RIMKLB: variants seen among roughly 807,000 people sequenced by gnomAD.
RIMKLB encodes beta-citrylglutamate synthase B.
A neutral mutation model predicts 32.0 loss-of-function variants in RIMKLB; 7 were observed. The observed-to-expected ratio is 0.22, with a 90% CI of 0.12 to 0.41. The LOEUF is 0.41. Among genes scored for constraint, RIMKLB ranks in the 10% least tolerant of loss-of-function variants. The pLI is 1.00. For missense variants in RIMKLB, 289 were observed against 498.7 expected, an observed-to-expected ratio of 0.58 and a Z score of 4.00; for synonymous variants, 172 against 185.1, an observed-to-expected ratio of 0.93 and a Z score of 0.57.
At chr12:8,783,078 T>C (rs370617930) in exon 8 of RIMKLB, 1 of 152,248 alleles carries the variant, frequency 6.6e-6, no homozygotes, top group Non-Finnish European at 1.5e-5. Flanking sequence ...AAAGACACTA[T>C]GCGCTGGAAA....
intron 2 of RIMKLB, among the ~76,000 whole-genome samples, chr12:8,726,702 A>G (rs1011031271): frequency 2.1e-5 from 3 of 144,022 alleles, no homozygotes; most frequent in East Asian, 2.0e-4. Context: ...ATGTTTGTCT[A>G]TATTTACAGT....
At chr12:8,701,620 T>C (rs996827959) in intron 1 of RIMKLB, among the ~76,000 whole-genome samples, 3 of 151,946 alleles carry the variant, frequency 2.0e-5, no homozygotes, top group African/African-American at 7.3e-5. Context: ...ATATGACCGT[T>C]ATGGGAAGTA....
chr12:8,703,006 C>G (rs1429284136), intron 1 of RIMKLB, among the ~76,000 whole-genome samples: 1 of 152,172 alleles, frequency 6.6e-6, no homozygotes, highest in Non-Finnish European at 1.5e-5. Flanking sequence ...TGTTTGGAGG[C>G]TGGGCATGGT....
At chr12:8,756,044 ACTCTGGAGGC>A (rs1252994014) in intron 5 of RIMKLB, among the ~76,000 whole-genome samples, 12 of 151,138 alleles carry the variant, frequency 7.9e-5, no homozygotes, top group Non-Finnish European at 1.6e-4. Flanking sequence ...AGTCCCGGCT[ACTCTGGAGGC>A]TGAGGCATGA....
chr12:8,698,838 C>T (rs1943117575), intron 1 of RIMKLB, among the ~76,000 whole-genome samples: 3 of 152,058 alleles, frequency 2.0e-5, no homozygotes, highest in African/African-American at 4.8e-5. Flanking sequence ...ACAGTCATTC[C>T]ATCTTTTCCT....
At chr12:8,680,876 T>A (rs1304287317), upstream of RIMKLB, among the ~76,000 whole-genome samples, 1 of 152,204 alleles carries the variant, frequency 6.6e-6, no homozygotes, top group African/African-American at 2.4e-5. Context: ...TCTAAAAAGT[T>A]TTGTGTGCTA....
chr12:8,768,875 G>GTGATTCTCTTTATTGTCATTC (rs1430314746), intron 5 of RIMKLB, among the ~76,000 whole-genome samples: 4 of 152,138 alleles, frequency 2.6e-5, no homozygotes, highest in Non-Finnish European at 5.9e-5. Context: ...TGCTTTGTAT[G>GTGATTCTCTTTATTGTCATTC]TGATTCTCTT....
In RIMKLB at chr12:8,753,877, T is replaced by A. The variant is rs1214300730; in HGVS notation, c.494-13T>A. On this transcript the variant is annotated splice_polypyrimidine_tract_variant and intron_variant, in intron 4 of 5. Coordinates refer to ENST00000535829, the MANE Select transcript of RIMKLB (RefSeq NM_001297776.2). ...GATGACTTAACATGTATTTTTATTC[T>A]TTTCAATCATAGGTAAAGCTGTTTT... The A allele has an allele frequency of 1.2e-6, 2 of 1,609,010 alleles. No homozygotes were observed. The highest frequency in any genetic ancestry group is 1.7e-6 in the Non-Finnish European group (2 of 1,175,588).
upstream of RIMKLB, among the ~76,000 whole-genome samples, chr12:8,681,174 A>T (rs1942402161): frequency 6.6e-6 from 1 of 152,056 alleles, no homozygotes; most frequent in African/African-American, 2.4e-5. Context: ...CACCATTCTT[A>T]GGCTGGTCTC....
chr12:8,777,479 C>A (rs774762463), downstream of RIMKLB: 14 of 1,110,132 alleles, frequency 1.3e-5, no homozygotes, highest in Non-Finnish European at 1.6e-5. Flanking sequence ...AGTGAAAATT[C>A]TTTCTATATT....
chr12:8,723,207 C>A (rs1420302622), intron 2 of RIMKLB, among the ~76,000 whole-genome samples: 1 of 151,840 alleles, frequency 6.6e-6, no homozygotes, highest in Non-Finnish European at 1.5e-5. Context: ...TCTTTTTTGC[C>A]CTTGAACACT....
chr12:8,697,034 ACTTTT>A (rs1205290184), upstream of RIMKLB: 3 of 151,994 alleles, frequency 2.0e-5, no homozygotes, highest in Non-Finnish European at 2.9e-5. Context: ...TTTGGGCTAT[ACTTTT>A]ATTTTTTATA....
Position 8,718,026 on chromosome 12 carries a change from C to G in RIMKLB, c.175+3985C>G, listed in dbSNP as rs190680201. Among the ~76,000 whole-genome samples the G allele has an allele frequency of 2.4e-4, 37 of 152,240 alleles. 1 individual carries two copies. Among genetic ancestry groups the G allele is most frequent in the African/African-American group, 8.7e-4 (36 of 41,550 alleles). ...TCATCTCTTTTACTGACAGTGTGGCCTTGGATTTTCAGCCTCTGTGCCTCA... is the reference window on the plus strand; with the variant it reads ...TCATCTCTTTTACTGACAGTGTGGCGTTGGATTTTCAGCCTCTGTGCCTCA... On this transcript the variant is annotated intron_variant, in intron 2 of 5. Transcript: ENST00000535829.
At chr12:8,755,605 G>T (rs1948958290) in intron 5 of RIMKLB, among the ~76,000 whole-genome samples, 1 of 152,150 alleles carries the variant, frequency 6.6e-6, no homozygotes, top group Admixed American at 6.5e-5. Flanking sequence ...ACCTACAGTA[G>T]CCCCTTAAGG....
chr12:8,732,414 C>G (rs1451478945), intron 2 of RIMKLB, among the ~76,000 whole-genome samples: 1 of 152,114 alleles, frequency 6.6e-6, no homozygotes, highest in East Asian at 1.9e-4. Flanking sequence ...GTCACAGTCA[C>G]GCTTTCCTAT....
intron 5 of RIMKLB, among the ~76,000 whole-genome samples, chr12:8,757,944 G>T (rs1949191380): frequency 6.6e-6 from 1 of 151,346 alleles, no homozygotes; most frequent in Admixed American, 6.6e-5. Context: ...AAAATAATGT[G>T]AACTTTTGTC....
At chr12:8,707,688 AAGCTGCCT>A (rs1462443778) in intron 1 of RIMKLB, among the ~76,000 whole-genome samples, 1 of 152,158 alleles carries the variant, frequency 6.6e-6, no homozygotes, top group Non-Finnish European at 1.5e-5. Flanking sequence ...CTCCATACTA[AAGCTGCCT>A]AGGGGCTGCC....
At chr12:8,744,216 A>G (rs779620413) in intron 2 of RIMKLB, among the ~76,000 whole-genome samples, 1 of 152,102 alleles carries the variant, frequency 6.6e-6, no homozygotes, top group Non-Finnish European at 1.5e-5. Context: ...TTTGGCTCAC[A>G]TTCATCTTTC....
chr12:8,726,240 T>G (rs953398763), intron 2 of RIMKLB, among the ~76,000 whole-genome samples: 3 of 152,262 alleles, frequency 2.0e-5, no homozygotes, highest in African/African-American at 7.2e-5. Context: ...TTCTGGATTT[T>G]GGCCAGTAAG....
Sources: gnomAD v4.1 joint callset for allele counts (sites outside exome capture counted in the v4.1 genomes callset) on GRCh38, gnomAD v4.1.1 for gene constraint, MANE v1.5 for transcripts, NCBI Gene and HGNC (gene_info 2026-07-23, HGNC 2026-07-21) for gene names.